SVIL: variants seen among roughly 807,000 people sequenced by gnomAD.
The protein encoded by SVIL is supervillin.
Under a neutral mutation model 240.4 loss-of-function variants are expected in SVIL, and 101 were observed. That is an observed-to-expected ratio of 0.42 (90% CI 0.36 to 0.50). The LOEUF (loss-of-function observed/expected upper bound fraction) is 0.50. SVIL is among the 20% of genes least tolerant of loss of function. The pLI is 0.01. For missense variants in SVIL, 2,512 were observed against 2,818.7 expected, an observed-to-expected ratio of 0.89 and a Z score of 2.46; for synonymous variants, 999 against 1,100.0, an observed-to-expected ratio of 0.91 and a Z score of 1.82.
chr10:29,560,691 C>T (rs1212666093), intron 3 of SVIL, among the ~76,000 whole-genome samples: 1 of 151,976 alleles, frequency 6.6e-6, no homozygotes, highest in Non-Finnish European at 1.5e-5. Context: ...TAAGAGCTGA[C>T]ACACAAAATC....
intron 3 of SVIL, among the ~76,000 whole-genome samples, chr10:29,558,481 T>C (rs1269204256): frequency 2.0e-5 from 3 of 152,154 alleles, no homozygotes; most frequent in Admixed American, 6.5e-5. Context: ...AAGATATGCC[T>C]CATTCCTACA....
At chr10:29,696,649 G>C (rs1404275060) in intron 1 of SVIL, among the ~76,000 whole-genome samples, 2 of 149,158 alleles carry the variant, frequency 1.3e-5, no homozygotes, top group African/African-American at 2.5e-5. Context: ...CCGCGACCCC[G>C]TTTGGGAGGT....
In SVIL at chr10:29,506,734, G is replaced by T. The variant is rs1261900117; in HGVS notation, c.3516+6001C>A. On this transcript the variant is annotated intron_variant, in intron 17 of 37. Transcript: ENST00000355867. Reference sequence around the variant, plus strand: ...AGGGGATAGAGACTCTACGAAGGAGGGGACAGAGGCCCTAGAGGGAGGGGA... The same window carrying T: ...AGGGGATAGAGACTCTACGAAGGAGTGGACAGAGGCCCTAGAGGGAGGGGA... Among the ~76,000 whole-genome samples the T allele has an allele frequency of 9.6e-5, 14 of 146,258 alleles. No individual in the cohort carries two copies. The South Asian group carries it at 2.6e-3, about 28-fold the overall frequency.
intron 1 of SVIL, among the ~76,000 whole-genome samples, chr10:29,688,075 A>G (rs538454625): frequency 1.3e-5 from 2 of 152,354 alleles, no homozygotes; most frequent in African/African-American, 4.8e-5. Flanking sequence ...ATTACGCTTC[A>G]TTTATCTAGA....
intron 1 of SVIL, among the ~76,000 whole-genome samples, chr10:29,715,229 C>T (rs1235297599): frequency 1.3e-5 from 2 of 152,120 alleles, no homozygotes; most frequent in African/African-American, 4.8e-5. Flanking sequence ...TTTCTGAATT[C>T]TAGAATGCTT....
At chr10:29,610,069 AG>A (rs1324267793) in intron 1 of SVIL, among the ~76,000 whole-genome samples, 1 of 152,054 alleles carries the variant, frequency 6.6e-6, no homozygotes, top group Admixed American at 6.6e-5. Flanking sequence ...GTGAAGTCAG[AG>A]CAACCCCTCA....
At chr10:29,736,232 G>A (rs1257832665), upstream of SVIL, among the ~76,000 whole-genome samples, 1 of 152,238 alleles carries the variant, frequency 6.6e-6, no homozygotes, top group Non-Finnish European at 1.5e-5. Flanking sequence ...GTCCTCGGAG[G>A]TGGCCCAAGG....
intron 1 of SVIL, among the ~76,000 whole-genome samples, chr10:29,733,790 C>T (rs539938261): frequency 2.2e-4 from 33 of 152,290 alleles, no homozygotes; most frequent in African/African-American, 7.7e-4. Context: ...GACTGTCACG[C>T]CAGAGTTGCA....
In SVIL at chr10:29,457,531, T is replaced by G. The variant is rs1943709282; in HGVS notation, c.*716A>C. 1.3e-5 allele frequency: 2 copies of G among 152,650 alleles called. No homozygotes were observed. The highest frequency in any genetic ancestry group is 2.9e-5 in the Non-Finnish European group (2 of 68,036). The allele number at this position is 152,650 out of a possible 1,614,324, so 9.5% of individuals were successfully genotyped here. On this transcript the variant is annotated 3_prime_UTR_variant, in exon 38 of 38. Transcript: ENST00000355867. ...AATGCAGAGCAAACTTTTCTGTATA[T>G]AAACTGTACATAAAAACAAGGCACT...
intron 1 of SVIL, among the ~76,000 whole-genome samples, chr10:29,621,913 C>T (rs767077140): frequency 2.3e-4 from 35 of 152,096 alleles, no homozygotes; most frequent in Non-Finnish European, 4.6e-4. Flanking sequence ...CACACATACA[C>T]GTAGACATAC....
intron 18 of SVIL, 131 bp downstream of exon 18, chr10:29,498,984 GA>G: frequency 7.4e-7 from 1 of 1,357,964 alleles, no homozygotes; most frequent in Non-Finnish European, 9.8e-7. Flanking sequence ...CTGTCTCTTA[GA>G]AAAAACTTAA....
intron 1 of SVIL, among the ~76,000 whole-genome samples, chr10:29,629,428 A>C (rs559363187): frequency 5.9e-5 from 9 of 152,240 alleles, no homozygotes; most frequent in East Asian, 1.9e-4. Context: ...CTGTTTGTTG[A>C]ATCTCTAAGT....
chr10:29,476,468 A>G, intron 29 of SVIL, among the ~76,000 whole-genome samples: 1 of 152,204 alleles, frequency 6.6e-6, no homozygotes. Context: ...GTTGGAGTGC[A>G]GTGGTATGAC....
In SVIL at chr10:29,694,138, G is replaced by T. The variant is rs1961736920; in HGVS notation, c.-399-7487C>A. On this transcript the variant is annotated intron_variant, in intron 1 of 35. Transcript: ENST00000375400. Reference sequence around the variant, plus strand: ...AAAGGAATAACAAAAATTGATATTGGCAGGGTAGTGCTTTGGGAAGCCGAG... The same window carrying T: ...AAAGGAATAACAAAAATTGATATTGTCAGGGTAGTGCTTTGGGAAGCCGAG... Among the ~76,000 whole-genome samples the T allele has an allele frequency of 4.6e-5, 7 of 151,336 alleles. No individual in the cohort carries two copies. The South Asian group carries it at 1.5e-3, about 32-fold the overall frequency.
intron 32 of SVIL, among the ~76,000 whole-genome samples, chr10:29,468,664 A>G (rs997232391): frequency 1.8e-4 from 28 of 151,802 alleles, no homozygotes; most frequent in African/African-American, 6.8e-4. Context: ...ACATATATAT[A>G]TGGGGTACAG....
At position 29,531,328 on chromosome 10, in the gene SVIL, G is replaced by A. The variant is rs750212994; in HGVS notation, c.2010-40C>T. The stretch of plus-strand genomic sequence containing the variant: ...AGCAAATAACAATAATACATTAGCA[G>A]GTGGGAGCAGAAGATCGAAATAAAA... On this transcript the variant is annotated intron_variant, in intron 9 of 37. Coordinates refer to ENST00000355867, the MANE Select transcript of SVIL (RefSeq NM_021738.3). 1.0e-5 allele frequency: 16 copies of A among 1,571,960 alleles called. No individual in the cohort carries two copies. In the South Asian group the frequency reaches 1.7e-4, roughly 17 times the overall value.
chr10:29,478,044 C>T (rs1377821662), intron 29 of SVIL, among the ~76,000 whole-genome samples: 4 of 152,144 alleles, frequency 2.6e-5, no homozygotes, highest in Non-Finnish European at 2.9e-5. Flanking sequence ...TTATAAAACA[C>T]GATTTCCCTT....
intron 16 of SVIL, among the ~76,000 whole-genome samples, chr10:29,519,238 A>G (rs1365947683): frequency 6.6e-6 from 1 of 152,160 alleles, no homozygotes; most frequent in African/African-American, 2.4e-5. Context: ...TCCTGGTTAG[A>G]GCACACGGGG....
chr10:29,656,207 G>A (rs1959001615), intron 3 of SVIL, among the ~76,000 whole-genome samples: 1 of 150,940 alleles, frequency 6.6e-6, no homozygotes, highest in South Asian at 2.1e-4. Flanking sequence ...AACATGAAGA[G>A]GCATTCGATT....
Sources: gnomAD v4.1 joint callset for allele counts (sites outside exome capture counted in the v4.1 genomes callset) on GRCh38, gnomAD v4.1.1 for gene constraint, MANE v1.5 for transcripts, NCBI Gene and HGNC (gene_info 2026-07-23, HGNC 2026-07-21) for gene names.